The following DACH1 variants were observed in gnomAD, a reference collection of about 807,000 sequenced individuals.
DACH1 encodes dachshund family transcription factor 1.
In DACH1, 12 loss-of-function variants were observed where a neutral mutation model predicts 54.2. The observed-to-expected ratio is 0.22, with a 90% CI of 0.14 to 0.36. The LOEUF is 0.36. DACH1 is among the 10% of genes least tolerant of loss of function. The pLI, the probability that DACH1 is intolerant of heterozygous loss-of-function variation, is 1.00. For missense variants in DACH1, 805 were observed against 929.8 expected, an observed-to-expected ratio of 0.87 and a Z score of 1.75; for synonymous variants, 386 against 366.2, an observed-to-expected ratio of 1.05 and a Z score of -0.62.
intron 6 of DACH1, among the ~76,000 whole-genome samples, chr13:71,527,937 A>T (rs1404961364): frequency 6.6e-6 from 1 of 152,094 alleles, no homozygotes; most frequent in African/African-American, 2.4e-5. Flanking sequence ...TTTTTTTTAA[A>T]GAATCCCTTA....
In DACH1 at chr13:71,588,848, C is replaced by G. The variant is rs1348185104; in HGVS notation, c.1127-15836G>C. ...TTTAATTTTTTCTATAGTTATCTGC[C>G]AAAAGCAATCCATAAATGAAATGTA... On this transcript the variant is annotated intron_variant, in intron 3 of 10. Coordinates refer to ENST00000613252, the MANE Select transcript of DACH1 (RefSeq NM_080759.6). Among the ~76,000 whole-genome samples, 3 of 151,850 alleles carry G rather than the reference C, an allele frequency of 2.0e-5. No individual in the cohort carries two copies. In the East Asian group the frequency reaches 5.8e-4, roughly 29 times the overall value.
At chr13:71,697,663 A>G (rs1881899290) in intron 1 of DACH1, among the ~76,000 whole-genome samples, 1 of 152,190 alleles carries the variant, frequency 6.6e-6, no homozygotes, top group African/African-American at 2.4e-5. Flanking sequence ...TGAAGTGTCA[A>G]TTTTTAATTA....
At chr13:71,792,979 T>A (rs1041914290) in intron 1 of DACH1, among the ~76,000 whole-genome samples, 5 of 152,168 alleles carry the variant, frequency 3.3e-5, no homozygotes, top group African/African-American at 1.2e-4. Flanking sequence ...ATTGTAAAGG[T>A]CCTCTCTTTT....
At chr13:71,631,229 C>A (rs561942256) in intron 2 of DACH1, among the ~76,000 whole-genome samples, 61 of 152,286 alleles carry the variant, frequency 4.0e-4, no homozygotes, top group African/African-American at 1.4e-3. Flanking sequence ...ATGCCATTCC[C>A]TTTTGCCTGG....
chr13:71,855,980 T>C (rs1470165994), intron 1 of DACH1, among the ~76,000 whole-genome samples: 1 of 151,954 alleles, frequency 6.6e-6, no homozygotes, highest in Non-Finnish European at 1.5e-5. Flanking sequence ...AGAGAAGAAT[T>C]TTGTTTTAAA....
intron 3 of DACH1, among the ~76,000 whole-genome samples, chr13:71,596,433 A>C (rs1874103244): frequency 6.6e-6 from 1 of 152,188 alleles, no homozygotes; most frequent in South Asian, 2.1e-4. Flanking sequence ...GGGATTTTGG[A>C]AACAAAGTAG....
At chr13:71,725,962 T>C (rs1883449391) in intron 1 of DACH1, among the ~76,000 whole-genome samples, 1 of 152,154 alleles carries the variant, frequency 6.6e-6, no homozygotes. Flanking sequence ...TTATAGTTTG[T>C]CTTTCTGGAT....
At chr13:71,851,462 T>C (rs1014895846) in intron 1 of DACH1, among the ~76,000 whole-genome samples, 11 of 152,188 alleles carry the variant, frequency 7.2e-5, no homozygotes, top group Admixed American at 6.5e-5. Context: ...ATATTATTAA[T>C]GGCTTAAAAG....
At chr13:71,591,522 C>T (rs1206141123) in intron 3 of DACH1, among the ~76,000 whole-genome samples, 1 of 152,112 alleles carries the variant, frequency 6.6e-6, no homozygotes, top group African/African-American at 2.4e-5. Flanking sequence ...TACTAAATGG[C>T]TTGAAAGAAG....
chr13:71,471,797 T>C (rs2138163776), intron 10 of DACH1, among the ~76,000 whole-genome samples: 1 of 151,530 alleles, frequency 6.6e-6, no homozygotes, highest in East Asian at 1.9e-4. Context: ...ACTATGAAAG[T>C]AGATGCTGTT....
chr13:71,609,923 T>A (rs934163665), intron 3 of DACH1, among the ~76,000 whole-genome samples: 1 of 152,170 alleles, frequency 6.6e-6, no homozygotes, highest in Non-Finnish European at 1.5e-5. Context: ...TTCTCATTTT[T>A]AAAAATATAC....
At chr13:71,651,654 A>C (rs1041226364) in intron 2 of DACH1, among the ~76,000 whole-genome samples, 1 of 142,732 alleles carries the variant, frequency 7.0e-6, no homozygotes, top group Non-Finnish European at 1.5e-5. Context: ...GAATGCATGT[A>C]TATGTATCTG....
intron 3 of DACH1, among the ~76,000 whole-genome samples, chr13:71,587,994 T>G (rs1338843646): frequency 2.0e-5 from 3 of 152,100 alleles, no homozygotes; most frequent in African/African-American, 7.2e-5. Flanking sequence ...AAGCTTTCTG[T>G]GAAAAGCCTG....
intron 10 of DACH1, among the ~76,000 whole-genome samples, chr13:71,451,730 G>A (rs1030650373): frequency 6.6e-6 from 1 of 152,108 alleles, no homozygotes; most frequent in African/African-American, 2.4e-5. Flanking sequence ...AATATAGCAC[G>A]TGACCCTAAT....
chr13:71,448,558 A>G (rs1273181838), intron 10 of DACH1, among the ~76,000 whole-genome samples: 1 of 152,164 alleles, frequency 6.6e-6, no homozygotes, highest in African/African-American at 2.4e-5. Flanking sequence ...TTATAATTTT[A>G]TATTTAGAGT....
chr13:71,860,914 A>G (rs1874307438), intron 1 of DACH1, among the ~76,000 whole-genome samples: 1 of 152,004 alleles, frequency 6.6e-6, no homozygotes, highest in African/African-American at 2.4e-5. Flanking sequence ...CAAAACATCA[A>G]ATGAGAAACA....
At chr13:71,560,793 G>A (rs1884535466) in intron 4 of DACH1, among the ~76,000 whole-genome samples, 1 of 152,078 alleles carries the variant, frequency 6.6e-6, no homozygotes, top group Non-Finnish European at 1.5e-5. Flanking sequence ...GGTACCCATT[G>A]GTGAACATTT....
At chr13:71,850,119 A>G (rs974831576) in intron 1 of DACH1, among the ~76,000 whole-genome samples, 5 of 152,214 alleles carry the variant, frequency 3.3e-5, no homozygotes, top group Admixed American at 2.6e-4. Context: ...GGAAGGATCT[A>G]CAGCTCTCAT....
rs979707643 is a variant in DACH1, at chr13:71,439,189, A to G, written c.*1466T>C. 6.6e-6 allele frequency: 1 copy of G among 152,476 alleles called. No individual in the cohort carries two copies. The highest frequency in any genetic ancestry group is 1.5e-5 in the Non-Finnish European group (1 of 67,916). 9.4% of individuals were successfully genotyped at this position (152,476 alleles called of 1,614,324 possible). On this transcript the variant is annotated 3_prime_UTR_variant, in exon 11 of 11. Coordinates refer to ENST00000613252, the MANE Select transcript of DACH1 (RefSeq NM_080759.6). ...ATAATGTTACGATCATACAATTTTA[A>G]GATGACAGAAAAATCATAAAATGTA...
Sources: gnomAD v4.1 joint callset for allele counts (sites outside exome capture counted in the v4.1 genomes callset) on GRCh38, gnomAD v4.1.1 for gene constraint, MANE v1.5 for transcripts, NCBI Gene and HGNC (gene_info 2026-07-23, HGNC 2026-07-21) for gene names.